PLOD3: variants seen among roughly 807,000 people sequenced by gnomAD.
PLOD3 encodes the protein procollagen-lysine,2-oxoglutarate 5-dioxygenase 3.
A neutral mutation model predicts 96.9 loss-of-function variants in PLOD3; 73 were observed. The ratio of observed to expected loss-of-function variants is 0.75; its 90% CI spans 0.62 to 0.92. The LOEUF (loss-of-function observed/expected upper bound fraction) is 0.92. PLOD3 is among the 40% of genes least tolerant of loss of function. PLOD3 has a pLI of 0.00. For missense variants in PLOD3, 1,004 were observed against 1,004.3 expected (o/e 1.00, Z 0.00); for synonymous variants, 454 against 413.7 (o/e 1.10, Z -1.18).
chr7:101,210,194 G>GC (rs1423696835), intron 14 of PLOD3, 33 bp from the exon 15 acceptor site: 2 of 1,539,888 alleles, frequency 1.3e-6, no homozygotes, highest in Admixed American at 1.8e-5. Context: ...TCAGATCTGT[G>GC]CCCCCCTCGC....
intron 18 of PLOD3, 78 bp from the exon 19 acceptor site, chr7:101,206,514 G>A (rs1012000168): frequency 1.7e-5 from 23 of 1,360,704 alleles, no homozygotes; most frequent in Middle Eastern, 1.9e-4. Flanking sequence ...GGGGCAGGGC[G>A]GCCAGACCGG....
chr7:101,213,471 G>A (rs1798220019), intron 6 of PLOD3: 2 of 530,078 alleles, frequency 3.8e-6, no homozygotes, highest in Non-Finnish European at 6.8e-6. Flanking sequence ...AGGAGCCTCA[G>A]CATCCCTACC....
At chr7:101,215,262 G>A in intron 5 of PLOD3, 110 bp from the exon 6 acceptor site, 1 of 839,692 alleles carries the variant, frequency 1.2e-6, no homozygotes, top group Non-Finnish European at 2.1e-6. Flanking sequence ...TGCTTAGGCT[G>A]GAGTGCAATG....
chr7:101,211,346 A>G (rs1798177395), intron 12 of PLOD3: 1 of 495,092 alleles, frequency 2.0e-6, no homozygotes, highest in Non-Finnish European at 3.6e-6. Flanking sequence ...TGCCCAGCTA[A>G]TATTTTAAGT....
At position 101,217,270 on chromosome 7, in the gene PLOD3, G is replaced by A. The variant is rs1798294461; in HGVS notation, c.5C>T (p.Thr2Ile). 5 of 1,482,638 alleles carry A rather than the reference G, an allele frequency of 3.4e-6. No individual in the cohort carries two copies. Among genetic ancestry groups the A allele is most frequent in the African/African-American group, 1.4e-5 (1 of 68,994 alleles). The allele number at this position is 1,482,638 out of a possible 1,614,324, so 91.8% of individuals were successfully genotyped here. A position where few individuals can be genotyped will look rare whatever the true frequency, so the allele number is the denominator to read the frequency against. ...GAACCGGGGTCCAGGCCCCGAGGAGGTCATGGTGGGGAGCGGGCCCAGACA... is the reference window on the plus strand; with the variant it reads ...GAACCGGGGTCCAGGCCCCGAGGAGATCATGGTGGGGAGCGGGCCCAGACA... M[T>I]SSGPGPRFLL... The change falls in exon 1 of 19, where the codon ACC becomes ATC. Residue 2 changes from threonine to isoleucine, a missense_variant. Coordinates refer to ENST00000223127, the MANE Select transcript of PLOD3 (RefSeq NM_001084.5).
Position 101,210,640 on chromosome 7 carries a change from G to A in PLOD3, c.1392C>T (p.Ala464=). ...GCAGGGTATCACCCCGGATCACATA[G>A]GCCTGGGAGATGTATGGTACATTCC... is the stretch of plus-strand genomic sequence containing the variant. ...GVWNVPYISQ[A]YVIRGDTLRM... The change falls in exon 13 of 19, where the codon GCC becomes GCT. Residue 464 remains alanine (A), a synonymous_variant. Coordinates refer to ENST00000223127, the MANE Select transcript of PLOD3 (RefSeq NM_001084.5). 6.2e-7 allele frequency: 1 copy of A among 1,614,132 alleles called. No homozygotes were observed. Among genetic ancestry groups the A allele is most frequent in the Non-Finnish European group, 8.5e-7 (1 of 1,180,028 alleles).
chr7:101,213,278 G>A (rs1798216448), intron 6 of PLOD3, 74 bp from the exon 7 acceptor site: 1 of 979,514 alleles, frequency 1.0e-6, no homozygotes, highest in African/African-American at 1.6e-5. Flanking sequence ...TTCTAAATAT[G>A]GGGTCCCAAA....
intron 18 of PLOD3, 49 bp downstream of exon 18, chr7:101,206,730 C>G: frequency 6.4e-7 from 1 of 1,559,264 alleles, no homozygotes; most frequent in Non-Finnish European, 8.7e-7. Flanking sequence ...AGGTGGGGAC[C>G]CGAGGGTCCT....
intron 15 of PLOD3, 23 bp from the exon 16 acceptor site, chr7:101,208,980 C>G (rs776450598): frequency 6.5e-7 from 1 of 1,536,776 alleles, no homozygotes; most frequent in South Asian, 1.1e-5. Flanking sequence ...CGAGGGAGAA[C>G]AGGGCTAGCT....
At position 101,217,336 on chromosome 7, in the gene PLOD3, C is replaced by A; in HGVS notation, c.-62G>T. On this transcript the variant is annotated 5_prime_UTR_variant, in exon 1 of 19. Coordinates refer to ENST00000223127, the MANE Select transcript of PLOD3 (RefSeq NM_001084.5). ...GGATCTCCGCTACGCGCCTGGATCC[C>A]AGCTCCGGAGGGGAGCTCTGGAAAG... The A allele has an allele frequency of 7.4e-7, 1 of 1,346,566 alleles. No individual in the cohort carries two copies. The allele number at this position is 1,346,566 out of a possible 1,614,324, so 83.4% of individuals were successfully genotyped here.
rs1798284144 is a variant in PLOD3, at chr7:101,216,768, G to A, written c.128C>T (p.Thr43Ile). ...PVNPEKLLVITVATAETEGYL... is the reference protein window; with the variant it reads ...PVNPEKLLVIIVATAETEGYL... ...CCCCTCGGTTTCAGCTGTGGCCACA[G>A]TGATCACCAGCAGCTTCTCTGTTAC... Residue 43 changes from threonine (T) to isoleucine (I), a missense_variant, in exon 2 of 19, where the codon ACT becomes ATT. Physicochemically the swap from Thr to Ile is moderately conservative, Grantham distance 89. Coordinates refer to ENST00000223127, the MANE Select transcript of PLOD3 (RefSeq NM_001084.5). The A allele has an allele frequency of 6.2e-7, 1 of 1,613,320 alleles. No homozygotes were observed. Among genetic ancestry groups the A allele is most frequent in the East Asian group, 2.2e-5 (1 of 44,888 alleles).
At position 101,213,144 on chromosome 7, in the gene PLOD3, G is replaced by C. The variant is rs144851657; in HGVS notation, c.740C>G (p.Thr247Arg). The C allele has an allele frequency of 1.2e-6, 2 of 1,613,620 alleles. No individual in the cohort carries two copies. Among genetic ancestry groups the C allele is most frequent in the Non-Finnish European group, 1.7e-6 (2 of 1,179,580 alleles). ...RVRIRNVAYD[T>R]LPIVVHGNGP... is the part of the protein sequence containing the mutation. ...GTTTCCATGGACCACAATGGGGAGC[G>C]TGTCGTAGGCCACGTTCCGGATACG... Residue 247 changes from threonine (T) to arginine (R), a missense_variant, in exon 7 of 19, where the codon ACG becomes AGG. Thr to Arg is a moderately conservative substitution (Grantham distance 71). This residue lies in a region of PLOD3 where 690 missense variants were observed against 650.2 expected (regional missense o/e 1.06). Coordinates refer to ENST00000223127, the MANE Select transcript of PLOD3 (RefSeq NM_001084.5).
At position 101,213,157 on chromosome 7, in the gene PLOD3, C is replaced by T. The variant is rs529683884; in HGVS notation, c.727G>A (p.Val243Met). 3.5e-5 allele frequency: 57 copies of T among 1,613,826 alleles called. 1 individual carries two copies. The East Asian group carries it at 9.6e-4, about 27-fold the overall frequency. ...ACAATGGGGAGCGTGTCGTAGGCCA[C>T]GTTCCGGATACGCACACGGTTCCGA... is the stretch of plus-strand genomic sequence containing the variant. Reference protein sequence around the residue: ...FDRNRVRIRNVAYDTLPIVVH... With the variant: ...FDRNRVRIRNMAYDTLPIVVH... The change falls in exon 7 of 19, where the codon GTG (valine) becomes ATG (methionine). Residue 243 changes from valine to methionine, a missense_variant. Physicochemically the swap from Val to Met is conservative, Grantham distance 21. Around this residue, in one of 5 missense-constraint regions of PLOD3, gnomAD observed 690 missense variants for 650.2 expected, o/e 1.06. Transcript: ENST00000223127.
Position 101,206,759 on chromosome 7 carries a change from G to C in PLOD3, c.2061+20C>G. On this transcript the variant is annotated intron_variant, in intron 18 of 18. Transcript: ENST00000223127. ...GGGTCCTGAGGTGAAGCGTGGGTGGGTAGTGTGACTGGGGCGCACCTCATA... is the reference window on the plus strand; with the variant it reads ...GGGTCCTGAGGTGAAGCGTGGGTGGCTAGTGTGACTGGGGCGCACCTCATA... 2 of 1,576,720 alleles carry C rather than the reference G, an allele frequency of 1.3e-6. No individual in the cohort carries two copies. Among genetic ancestry groups the C allele is most frequent in the South Asian group, 2.3e-5 (2 of 85,880 alleles).
chr7:101,214,857 C>T lies in PLOD3; in HGVS notation c.679+232G>A, dbSNP rs148550377. Reference sequence around the variant, plus strand: ...GTCTCAAAAAAAAAAGTCCCTGGCCCGGTGCCCAGGCACAGCATGTGTGCA... The same window carrying T: ...GTCTCAAAAAAAAAAGTCCCTGGCCTGGTGCCCAGGCACAGCATGTGTGCA... On this transcript the variant is annotated intron_variant, in intron 6 of 18. Coordinates refer to ENST00000223127, the MANE Select transcript of PLOD3 (RefSeq NM_001084.5). Among the ~76,000 whole-genome samples, 204 of 152,242 alleles carry T rather than the reference C, an allele frequency of 1.3e-3. 1 individual carries two copies. The highest frequency in any genetic ancestry group is 4.5e-3 in the African/African-American group (187 of 41,562).
In PLOD3 at chr7:101,210,556, G is replaced by T. The variant is rs11546150; in HGVS notation, c.1476C>A (p.Ala492=). The change falls in exon 13 of 19, where the codon GCC becomes GCA. Residue 492 remains alanine (A), a synonymous_variant. Coordinates refer to ENST00000223127, the MANE Select transcript of PLOD3 (RefSeq NM_001084.5). ...FSGSDTDPDM[A]FCKSFRDKGI... ...CCTTGTCTCGAAAGCTCTTACAGAA[G>T]GCCATGTCCGGGTCTGTGTCACTGC... 47 of 1,614,102 alleles carry T rather than the reference G, an allele frequency of 2.9e-5. No homozygotes were observed. In the South Asian group the frequency reaches 4.5e-4, roughly 15 times the overall value.
rs2301903 is a variant in PLOD3 at position 101,211,720 on chromosome 7, C to A, written c.1233-4G>T. On this transcript the variant is annotated splice_region_variant and splice_polypyrimidine_tract_variant and intron_variant, in intron 11 of 18. Transcript: ENST00000223127. ...CAGCATGGGGGCGATCACCTTCCTG[C>A]GGACAGGTGGGGGTGAGGGCTGGGC... 5 of 1,601,360 alleles carry A rather than the reference C, an allele frequency of 3.1e-6. No individual in the cohort carries two copies. The highest frequency in any genetic ancestry group is 3.5e-5 in the Admixed American group (2 of 57,378).
intron 5 of PLOD3, among the ~76,000 whole-genome samples, chr7:101,215,484 A>G (rs1283502197): frequency 6.6e-6 from 1 of 152,102 alleles, no homozygotes; most frequent in African/African-American, 2.4e-5. Flanking sequence ...AAGTGCTGGG[A>G]TTATAGGCAT....
At position 101,217,266 on chromosome 7, in the gene PLOD3, G is replaced by A; in HGVS notation, c.9C>T (p.Ser3=). The change falls in exon 1 of 19, where the codon TCC becomes TCT. Residue 3 remains serine (S), a synonymous_variant. Transcript: ENST00000223127. ...GCAGGAACCGGGGTCCAGGCCCCGA[G>A]GAGGTCATGGTGGGGAGCGGGCCCA... The part of the protein sequence containing the change: MT[S]SGPGPRFLLL... 6.7e-7 allele frequency: 1 copy of A among 1,486,738 alleles called. No homozygotes were observed. The highest frequency in any genetic ancestry group is 8.9e-7 in the Non-Finnish European group (1 of 1,119,586). 92.1% of individuals were successfully genotyped at this position (1,486,738 alleles called of 1,614,324 possible). A position where few individuals can be genotyped will look rare whatever the true frequency, so the allele number is the denominator to read the frequency against.
Sources: gnomAD v4.1 joint callset for allele counts (sites outside exome capture counted in the v4.1 genomes callset) on GRCh38, gnomAD v4.1.1 for gene constraint, gnomAD v4.1.1 regional missense constraint, MANE v1.5 for transcripts, NCBI Gene and HGNC (gene_info 2026-07-23, HGNC 2026-07-21) for gene names.